Variants in NT5C2 observed in about 807,000 individuals in gnomAD.
NT5C2 encodes the protein 5'-nucleotidase, cytosolic II.
In NT5C2, 58 loss-of-function variants were observed where a neutral mutation model predicts 76.1. The observed-to-expected ratio is 0.76, with a 90% CI of 0.62 to 0.95. NT5C2 has a LOEUF of 0.95. NT5C2 is among the 40% of genes least tolerant of loss of function. The probability of loss-of-function intolerance (pLI) is 0.00; values close to 1 mark genes in which losing one functional copy is unlikely to be tolerated. For missense variants in NT5C2, 478 were observed against 690.3 expected, an observed-to-expected ratio of 0.69 and a Z score of 3.45; for synonymous variants, 229 against 237.4, an observed-to-expected ratio of 0.96 and a Z score of 0.32.
intron 4 of NT5C2, among the ~76,000 whole-genome samples, chr10:103,133,504 G>A (rs1444509464): frequency 2.0e-5 from 3 of 152,094 alleles, no homozygotes; most frequent in South Asian, 2.1e-4. Context: ...CAGGTGATCT[G>A]CCCACTTCAA....
At chr10:103,129,996 C>T (rs1435415428) in intron 4 of NT5C2, among the ~76,000 whole-genome samples, 8 of 150,236 alleles carry the variant, frequency 5.3e-5, no homozygotes, top group South Asian at 4.3e-4. Context: ...TCTGCCCGGC[C>T]GCCCCTACTG....
chr10:103,120,350 C>T (rs1314358029), intron 4 of NT5C2, among the ~76,000 whole-genome samples: 1 of 152,088 alleles, frequency 6.6e-6, no homozygotes, highest in African/African-American at 2.4e-5. Flanking sequence ...AAAAGAAAAC[C>T]CACAGAATGA....
At chr10:103,106,022 G>C (rs574294238) in intron 5 of NT5C2, among the ~76,000 whole-genome samples, 2 of 152,274 alleles carry the variant, frequency 1.3e-5, no homozygotes, top group East Asian at 3.9e-4. Context: ...ATTGTTTTCT[G>C]TAAGGAATAA....
chr10:103,174,276 A>G (rs2134808398), intron 3 of NT5C2, among the ~76,000 whole-genome samples: 1 of 152,260 alleles, frequency 6.6e-6, no homozygotes, highest in East Asian at 1.9e-4. Context: ...GCATGGGGCC[A>G]TGCCTGTAAT....
intron 3 of NT5C2, among the ~76,000 whole-genome samples, chr10:103,173,611 CAAAAAA>C (rs1323084034): frequency 4.6e-5 from 2 of 43,172 alleles, no homozygotes; most frequent in African/African-American, 9.0e-5. Flanking sequence ...GACGCCGTCT[CAAAAAA>C]AAAAAAAAAA....
rs2067037301 is a variant in NT5C2, at chr10:103,091,986, A to C, written c.1160-371T>G. Reference sequence around the variant, plus strand: ...CCCATTTTCAGATGAAAGATTGAGAATCAGGTGACTTTTCCTGAGTCACAG... The same window carrying C: ...CCCATTTTCAGATGAAAGATTGAGACTCAGGTGACTTTTCCTGAGTCACAG... On this transcript the variant is annotated intron_variant, in intron 15 of 18. Coordinates refer to ENST00000404739, the MANE Select transcript of NT5C2 (RefSeq NM_001351169.2). Among the ~76,000 whole-genome samples, 3 of 152,354 alleles carry C rather than the reference A, an allele frequency of 2.0e-5. No individual in the cohort carries two copies. The Middle Eastern group carries it at 0.01, about 518-fold the overall frequency.
At chr10:103,163,666 TTTTTTTCAGTCTATAACAGC>T (rs2085526204) in intron 3 of NT5C2, among the ~76,000 whole-genome samples, 1 of 151,616 alleles carries the variant, frequency 6.6e-6, no homozygotes, top group African/African-American at 2.4e-5. Flanking sequence ...CTTTATCGAA[TTTTTTTCAGTCTATAACAGC>T]TTTATATGCA....
chr10:103,120,098 CA>C (rs529049131), intron 4 of NT5C2, among the ~76,000 whole-genome samples: 232 of 130,594 alleles, frequency 1.8e-3, no homozygotes, highest in Admixed American at 1.7e-3. Context: ...GACCCTGTTT[CA>C]AAAAAAAAAA....
At chr10:103,190,276 A>T (rs1354138148) in intron 1 of NT5C2, among the ~76,000 whole-genome samples, 1 of 152,182 alleles carries the variant, frequency 6.6e-6, no homozygotes, top group East Asian at 1.9e-4. Context: ...GAATCCATGT[A>T]GCATACTTGT....
rs186456708 is a variant in NT5C2, at chr10:103,113,195, T to G, written c.176-6489A>C. 1.4e-4 allele frequency among the ~76,000 whole-genome samples: 21 copies of G among 152,280 alleles called. No homozygotes were observed. The East Asian group carries it at 3.9e-3, about 28-fold the overall frequency. ...CCAAATAACTAGATGTGTAAATAAG[T>G]AAAGTGGAGTTTGAGCAACTGCCAA... is the stretch of plus-strand genomic sequence containing the variant. On this transcript the variant is annotated intron_variant, in intron 4 of 18. Transcript: ENST00000404739.
chr10:103,173,567 G>T (rs1287536379), intron 3 of NT5C2, among the ~76,000 whole-genome samples: 1 of 142,386 alleles, frequency 7.0e-6, no homozygotes, highest in Non-Finnish European at 1.5e-5. Context: ...CAGTGAGATC[G>T]TGCTACTGCA....
In NT5C2 at chr10:103,088,905, C is replaced by G. The variant is rs909517668; in HGVS notation, c.*767G>C. On this transcript the variant is annotated 3_prime_UTR_variant, in exon 19 of 19. Coordinates refer to ENST00000404739, the MANE Select transcript of NT5C2 (RefSeq NM_001351169.2). ...CTGTAGTATAAGAAGGCAGTTCTTCCCTTTCTTTTCTGGGGGCTTGTTCCT... is the reference window on the plus strand; with the variant it reads ...CTGTAGTATAAGAAGGCAGTTCTTCGCTTTCTTTTCTGGGGGCTTGTTCCT... The G allele has an allele frequency of 2.4e-5, 5 of 211,874 alleles. No individual in the cohort carries two copies. Among genetic ancestry groups the G allele is most frequent in the Admixed American group, 1.8e-4 (3 of 17,024 alleles). The allele number at this position is 211,874 out of a possible 1,614,324, so 13.1% of individuals were successfully genotyped here.
intron 4 of NT5C2, among the ~76,000 whole-genome samples, chr10:103,124,434 G>C (rs2076296775): frequency 6.6e-6 from 1 of 152,072 alleles, no homozygotes; most frequent in Admixed American, 6.6e-5. Flanking sequence ...AAGCAAGCCA[G>C]GTTTTTCCAT....
chr10:103,089,484 T>C lies in NT5C2; in HGVS notation c.*188A>G. ...GACTCCATTACAATTTTGGACCATCTGCAGAGAGTACAGATACACAAAACC... is the reference window on the plus strand; with the variant it reads ...GACTCCATTACAATTTTGGACCATCCGCAGAGAGTACAGATACACAAAACC... On this transcript the variant is annotated 3_prime_UTR_variant, in exon 19 of 19. Coordinates refer to ENST00000404739, the MANE Select transcript of NT5C2 (RefSeq NM_001351169.2). The C allele has an allele frequency of 2.9e-6, 3 of 1,045,982 alleles. No homozygotes were observed. The highest frequency in any genetic ancestry group is 3.9e-6 in the Non-Finnish European group (3 of 769,452). 64.8% of individuals were successfully genotyped at this position (1,045,982 alleles called of 1,614,324 possible). A position where few individuals can be genotyped will look rare whatever the true frequency, so the allele number is the denominator to read the frequency against.
At position 103,091,009 on chromosome 10, in the gene NT5C2, GA is replaced by G; in HGVS notation, c.1212-14del. On this transcript the variant is annotated splice_polypyrimidine_tract_variant and intron_variant, in intron 16 of 18. Coordinates refer to ENST00000404739, the MANE Select transcript of NT5C2 (RefSeq NM_001351169.2). ...GCTGTCAAGATGCCTAAAGATAAAA[GA>G]AAAACTCAGTGAAAATCTCTGGGAA... 1.2e-6 allele frequency: 2 copies of G among 1,610,090 alleles called. No homozygotes were observed. Among genetic ancestry groups the G allele is most frequent in the Non-Finnish European group, 1.7e-6 (2 of 1,177,866 alleles).
chr10:103,094,155 T>C, intron 13 of NT5C2, 117 bp from the exon 14 acceptor site: 1 of 483,734 alleles, frequency 2.1e-6, no homozygotes, highest in South Asian at 1.7e-5. Context: ...GACAGCCAAA[T>C]GAATGGCACT....
chr10:103,155,280 G>A (rs567664453), intron 3 of NT5C2, among the ~76,000 whole-genome samples: 3 of 152,198 alleles, frequency 2.0e-5, no homozygotes, highest in Admixed American at 6.5e-5. Flanking sequence ...CTGAGTCTTA[G>A]AGATAGGATG....
intron 1 of NT5C2, among the ~76,000 whole-genome samples, chr10:103,187,635 T>A (rs1248738556): frequency 5.9e-5 from 9 of 151,926 alleles, no homozygotes; most frequent in African/African-American, 2.2e-4. Flanking sequence ...TACTGTTAAA[T>A]GCTTATTAAA....
At chr10:103,098,842 T>G in intron 10 of NT5C2, 89 bp downstream of exon 10, 2 of 916,398 alleles carry the variant, frequency 2.2e-6, no homozygotes, top group Non-Finnish European at 3.4e-6. Context: ...TCTTCTTTTG[T>G]CCATTTCATT....
Sources: allele counts gnomAD v4.1 joint callset (sites outside exome capture counted in the v4.1 genomes callset), GRCh38; gene constraint gnomAD v4.1.1; transcripts MANE v1.5; gene names NCBI Gene and HGNC (gene_info 2026-07-23, HGNC 2026-07-21).